The following BOC variants were observed in gnomAD, a reference collection of about 807,000 sequenced individuals.
BOC encodes the protein BOC cell adhesion associated, oncogene regulated.
Under a neutral mutation model 112.0 loss-of-function variants are expected in BOC, and 76 were observed. The ratio of observed to expected loss-of-function variants is 0.68; its 90% CI spans 0.56 to 0.82. BOC has a LOEUF of 0.82. BOC is among the 40% of genes least tolerant of loss of function. BOC has a pLI of 0.00. For missense variants in BOC, 1,309 were observed against 1,511.7 expected (o/e 0.87, Z 2.22); for synonymous variants, 580 against 599.8 (o/e 0.97, Z 0.48).
intron 15 of BOC, among the ~76,000 whole-genome samples, chr3:113,283,020 G>A (rs909794045): frequency 5.9e-5 from 9 of 152,144 alleles, no homozygotes; most frequent in Admixed American, 2.0e-4. Context: ...CAGGTAGCAC[G>A]CTCTTGGGTG....
Position 113,284,977 on chromosome 3 carries a change from T to C in BOC, c.2966+119T>C, listed in dbSNP as rs984775237. The C allele has an allele frequency of 3.5e-6, 3 of 849,448 alleles. No individual in the cohort carries two copies. In the African/African-American group the frequency reaches 5.1e-5, roughly 14 times the overall value. The allele number at this position is 849,448 out of a possible 1,614,324, so 52.6% of individuals were successfully genotyped here. A position where few individuals can be genotyped will look rare whatever the true frequency, so the allele number is the denominator to read the frequency against. On this transcript the variant is annotated intron_variant, in intron 18 of 19. Coordinates refer to ENST00000682979, the MANE Select transcript of BOC (RefSeq NM_001378074.1). ...GTAGTGCTGTACTCAGGGGTCCCCG[T>C]GACTGACAATCATGCTCCTCTGAAC...
intron 2 of BOC, among the ~76,000 whole-genome samples, chr3:113,246,373 C>A (rs1944921585): frequency 6.6e-6 from 1 of 152,040 alleles, no homozygotes; most frequent in African/African-American, 2.4e-5. Flanking sequence ...AAATAATAGG[C>A]CTTACTGTTG....
intron 2 of BOC, among the ~76,000 whole-genome samples, chr3:113,235,032 T>G (rs1943233401): frequency 6.6e-6 from 1 of 152,232 alleles, no homozygotes; most frequent in Non-Finnish European, 1.5e-5. Flanking sequence ...CACTGGTCGC[T>G]AGTCAAATGG....
At chr3:113,234,519 T>C (rs928775175) in intron 2 of BOC, among the ~76,000 whole-genome samples, 4 of 152,216 alleles carry the variant, frequency 2.6e-5, no homozygotes, top group African/African-American at 9.6e-5. Context: ...CCATGCTACA[T>C]TTCAATTTTG....
chr3:113,270,573 G>A (rs1260821473), intron 5 of BOC: 3 of 504,416 alleles, frequency 5.9e-6, no homozygotes, highest in Non-Finnish European at 1.0e-5. Flanking sequence ...CAGTCTGTTA[G>A]CTGGTTGGTT....
intron 4 of BOC, among the ~76,000 whole-genome samples, chr3:113,256,477 C>T (rs1272695993): frequency 6.6e-6 from 1 of 152,186 alleles, no homozygotes; most frequent in African/African-American, 2.4e-5. Flanking sequence ...TCAACTGCTG[C>T]CGTATACAGA....
chr3:113,228,868 G>A (rs1942120055), intron 2 of BOC, among the ~76,000 whole-genome samples: 1 of 152,208 alleles, frequency 6.6e-6, no homozygotes, highest in African/African-American at 2.4e-5. Flanking sequence ...CTGACTTTCA[G>A]CAGGCAACCT....
At chr3:113,238,141 A>C (rs1421312044) in intron 2 of BOC, among the ~76,000 whole-genome samples, 1 of 152,220 alleles carries the variant, frequency 6.6e-6, no homozygotes, top group African/African-American at 2.4e-5. Flanking sequence ...TAAGATTTAA[A>C]GATAATTAGG....
rs991442412 is a variant in BOC, at chr3:113,283,413, C to T, written c.2437C>T (p.Arg813Trp). The change falls in exon 16 of 20, where the codon CGG becomes TGG. Residue 813 changes from arginine to tryptophan, a missense_variant and splice_region_variant. By Grantham distance (101) the Arg-to-Trp change is moderately radical. Coordinates refer to ENST00000682979, the MANE Select transcript of BOC (RefSeq NM_001378074.1). ...SNVMICETKARKSSGQPGRLP... is the reference protein window; with the variant it reads ...SNVMICETKAWKSSGQPGRLP... ...GTGAGTTTTGTCCACAATTACAGCT[C>T]GGAAGTCTTCTGGCCAGCCTGGTCG... 41 of 1,595,816 alleles carry T rather than the reference C, an allele frequency of 2.6e-5. No individual in the cohort carries two copies. The highest frequency in any genetic ancestry group is 3.4e-5 in the Non-Finnish European group (40 of 1,166,258).
intron 4 of BOC, among the ~76,000 whole-genome samples, chr3:113,260,262 T>C (rs1946674482): frequency 6.6e-6 from 1 of 152,208 alleles, no homozygotes; most frequent in African/African-American, 2.4e-5. Flanking sequence ...AATTAACAAT[T>C]TCTGAATTTC....
intron 16 of BOC, among the ~76,000 whole-genome samples, 178 bp from the exon 17 acceptor site, chr3:113,284,157 G>T (rs1345294990): frequency 6.6e-6 from 1 of 152,048 alleles, no homozygotes; most frequent in East Asian, 1.9e-4. Flanking sequence ...AGGTAGAAAT[G>T]GGCGACACAA....
At chr3:113,212,058 T>G (rs79231157) in intron 1 of BOC, 42 bp downstream of exon 1, 57,264 of 151,920 alleles carry the variant, frequency 0.38, 11,329 homozygotes, top group Middle Eastern at 0.5. Flanking sequence ...TCATAAAAAG[T>G]TGTGTTTACT....
At chr3:113,248,545 G>A (rs1454890855) in intron 2 of BOC, among the ~76,000 whole-genome samples, 4 of 152,132 alleles carry the variant, frequency 2.6e-5, no homozygotes, top group East Asian at 1.9e-4. Flanking sequence ...TGCCTTCAAC[G>A]TTATCCGAAC....
At chr3:113,267,766 C>T (rs1221177110) in intron 4 of BOC, among the ~76,000 whole-genome samples, 2 of 152,170 alleles carry the variant, frequency 1.3e-5, no homozygotes, top group Admixed American at 6.5e-5. Flanking sequence ...TCGCTCTTTT[C>T]GCCCAGGCCA....
chr3:113,238,926 A>G lies in BOC; in HGVS notation c.-81-10796A>G, dbSNP rs147941786. On this transcript the variant is annotated intron_variant, in intron 2 of 19. Coordinates refer to ENST00000682979, the MANE Select transcript of BOC (RefSeq NM_001378074.1). ...TGTTTTAGAAAGAAGGTAGATGGCA[A>G]TGCAGAGGCTGATTAGATGGAGAGA... Among the ~76,000 whole-genome samples the G allele has an allele frequency of 5.6e-4, 85 of 152,348 alleles. 1 individual carries two copies. Among genetic ancestry groups the G allele is most frequent in the South Asian group, 2.9e-3 (14 of 4,828 alleles).
At chr3:113,219,275 G>A (rs1457614355) in intron 2 of BOC, among the ~76,000 whole-genome samples, 2 of 152,218 alleles carry the variant, frequency 1.3e-5, no homozygotes, top group Admixed American at 1.3e-4. Flanking sequence ...ACTGAGGTTG[G>A]TTTGTCAGTG....
At position 113,283,557 on chromosome 3, in the gene BOC, G is replaced by A. The variant is rs1187830475; in HGVS notation, c.2581G>A (p.Val861Ile). The A allele has an allele frequency of 6.2e-7, 1 of 1,613,796 alleles. No individual in the cohort carries two copies. The highest frequency in any genetic ancestry group is 1.3e-5 in the African/African-American group (1 of 74,828). The change falls in exon 16 of 20, where the codon GTC (valine) becomes ATC (isoleucine). Residue 861 changes from valine (V) to isoleucine (I), a missense_variant. Coordinates refer to ENST00000682979, the MANE Select transcript of BOC (RefSeq NM_001378074.1). ...CGACCTGCCCTATCTGATTGTCGGGGTCGTCCTGGGCTCCATCGTTCTCAT... is the reference window on the plus strand; with the variant it reads ...CGACCTGCCCTATCTGATTGTCGGGATCGTCCTGGGCTCCATCGTTCTCAT... ...SSDLPYLIVGVVLGSIVLIIV... is the reference protein window; with the variant it reads ...SSDLPYLIVGIVLGSIVLIIV...
intron 16 of BOC, among the ~76,000 whole-genome samples, 193 bp from the exon 17 acceptor site, chr3:113,284,142 G>A (rs1314603236): frequency 6.6e-6 from 1 of 152,048 alleles, no homozygotes; most frequent in East Asian, 1.9e-4. Context: ...AAGAGTCTAG[G>A]TGTCAGGTAG....
At position 113,278,121 on chromosome 3, in the gene BOC, G is replaced by A; in HGVS notation, c.1569G>A (p.Trp523Ter). ...AGGTCACAAATTCCTCTGACGATTGGACCATCTCTGGCATTCCAGCCAACC... is the reference window on the plus strand; with the variant it reads ...AGGTCACAAATTCCTCTGACGATTGAACCATCTCTGGCATTCCAGCCAACC... Reference protein sequence around the residue: ...RKQVTNSSDDWTISGIPANQH... With the variant: ...RKQVTNSSDD The change falls in exon 10 of 20, where the codon TGG (tryptophan) becomes TGA (stop). Residue 523 changes from tryptophan to a stop codon, truncating the protein, a stop_gained. Transcript: ENST00000682979. LOFTEE classifies it high-confidence loss of function. This position sits in a 1 kb window ranked among gnomAD's most constrained non-coding sequence, Gnocchi z 4.2. 1 of 1,614,190 alleles carries A rather than the reference G, an allele frequency of 6.2e-7. No individual in the cohort carries two copies. Among genetic ancestry groups the A allele is most frequent in the Non-Finnish European group, 8.5e-7 (1 of 1,180,030 alleles).
Sources: allele counts gnomAD v4.1 joint callset (sites outside exome capture counted in the v4.1 genomes callset), GRCh38; gene constraint gnomAD v4.1.1; non-coding constraint Gnocchi (gnomAD v3.1); transcripts MANE v1.5; gene names NCBI Gene and HGNC (gene_info 2026-07-23, HGNC 2026-07-21).